The following SMAP2 variants were observed in gnomAD, a reference collection of about 807,000 sequenced individuals.
The protein encoded by SMAP2 is small ArfGAP2.
SMAP2 carries 25 observed loss-of-function variants against 56.4 expected under a neutral mutation model. That is an observed-to-expected ratio of 0.44 (90% confidence interval 0.32 to 0.62). The LOEUF is 0.62. Ranked by LOEUF, SMAP2 falls within the 20% of genes least tolerant of loss-of-function variation. The probability of loss-of-function intolerance (pLI) is 0.04; values close to 1 mark genes in which losing one functional copy is unlikely to be tolerated. For synonymous variants in SMAP2, 157 were observed against 181.7 expected (o/e 0.86, Z 1.09); for missense variants, 388 against 545.6 (o/e 0.71, Z 2.88).
At chr1:40,375,150 G>A in intron 1 of SMAP2, 1 of 914,748 alleles carries the variant, frequency 1.1e-6, no homozygotes, top group Non-Finnish European at 1.3e-6. Flanking sequence ...GTTGGCACTT[G>A]ACATTTATAC....
At chr1:40,391,240 A>G (rs1344597379) in intron 1 of SMAP2, among the ~76,000 whole-genome samples, 1 of 152,198 alleles carries the variant, frequency 6.6e-6, no homozygotes, top group East Asian at 1.9e-4. Flanking sequence ...TTTTAATATC[A>G]GTTTTCATGT....
intron 1 of SMAP2, chr1:40,396,873 A>G (rs544480802): frequency 4.1e-5 from 40 of 984,020 alleles, no homozygotes; most frequent in Non-Finnish European, 4.8e-5. Flanking sequence ...ATGGAGGGAT[A>G]TAATGAGTGG....
At chr1:40,358,716 T>C (rs72948127) in intron 1 of SMAP2, among the ~76,000 whole-genome samples, 9,762 of 152,266 alleles carry the variant, frequency 0.064, 1,063 homozygotes, top group African/African-American at 0.22. Context: ...TTGTATGAAA[T>C]GTTTTGTATC....
At chr1:40,361,796 GC>G (rs920282246) in intron 1 of SMAP2, among the ~76,000 whole-genome samples, 3 of 152,182 alleles carry the variant, frequency 2.0e-5, no homozygotes, top group African/African-American at 7.2e-5. Flanking sequence ...TGGCTTGGGT[GC>G]CAGCTCAGCT....
At chr1:40,372,829 CT>C (rs1267333173), upstream of SMAP2, among the ~76,000 whole-genome samples, 1 of 152,202 alleles carries the variant, frequency 6.6e-6, no homozygotes, top group Non-Finnish European at 1.5e-5. Flanking sequence ...TCCCTCTCCC[CT>C]AGTACAGTGC....
At chr1:40,391,647 G>C (rs1005181743) in intron 1 of SMAP2, among the ~76,000 whole-genome samples, 1 of 152,100 alleles carries the variant, frequency 6.6e-6, no homozygotes, top group South Asian at 2.1e-4. Context: ...AAAGTGGTGG[G>C]GTGAGGAATC....
Position 40,374,746 on chromosome 1 carries a change from C to T in SMAP2, c.103+523C>T, listed in dbSNP as rs1281969244. On this transcript the variant is annotated intron_variant, in intron 1 of 9. Transcript: ENST00000372718. This position sits in a 1 kb window ranked among gnomAD's most constrained non-coding sequence, Gnocchi z 5.9. ...GCTTCCTGCTATTTGGTTAGCAACT[C>T]CTGTCATTTTGCAGCCTTGCTAAGA... 1.3e-6 allele frequency: 2 copies of T among 1,550,396 alleles called. No individual in the cohort carries two copies. Among genetic ancestry groups the T allele is most frequent in the East Asian group, 2.4e-5 (1 of 40,926 alleles).
intron 1 of SMAP2, among the ~76,000 whole-genome samples, chr1:40,349,985 A>T (rs921001051): frequency 3.3e-5 from 5 of 152,166 alleles, no homozygotes; most frequent in Non-Finnish European, 5.9e-5. Flanking sequence ...CTTTCCACAG[A>T]GTCAAGGTTG....
At chr1:40,396,001 C>G (rs1644767886) in intron 1 of SMAP2, among the ~76,000 whole-genome samples, 1 of 152,168 alleles carries the variant, frequency 6.6e-6, no homozygotes, top group South Asian at 2.1e-4. Context: ...TGCTTCATCT[C>G]CATTGGTAAT....
At chr1:40,361,677 C>T (rs1427670635) in intron 1 of SMAP2, among the ~76,000 whole-genome samples, 1 of 152,118 alleles carries the variant, frequency 6.6e-6, no homozygotes, top group Admixed American at 6.5e-5. Flanking sequence ...GAATGAACAT[C>T]AGCAGAAGCC....
At chr1:40,371,875 T>G (rs1644497968), upstream of SMAP2, among the ~76,000 whole-genome samples, 1 of 152,220 alleles carries the variant, frequency 6.6e-6, no homozygotes, top group South Asian at 2.1e-4. Flanking sequence ...AATGTTATCA[T>G]CATTCCCATT....
intron 2 of SMAP2, among the ~76,000 whole-genome samples, chr1:40,363,535 A>T (rs1644467863): frequency 6.6e-6 from 1 of 152,216 alleles, no homozygotes; most frequent in Non-Finnish European, 1.5e-5. Flanking sequence ...AGGAAGGCAG[A>T]GCAAGATGGC....
At chr1:40,351,799 G>A (rs569560789) in intron 1 of SMAP2, among the ~76,000 whole-genome samples, 1 of 152,200 alleles carries the variant, frequency 6.6e-6, no homozygotes, top group African/African-American at 2.4e-5. Flanking sequence ...ACCGCGCTCA[G>A]CCTATTTTAA....
At chr1:40,346,761 T>C (rs1428879415) in intron 1 of SMAP2, among the ~76,000 whole-genome samples, 1 of 152,138 alleles carries the variant, frequency 6.6e-6, no homozygotes, top group Non-Finnish European at 1.5e-5. Context: ...TCCAAGTAAA[T>C]GAAAATGCAT....
intron 1 of SMAP2, chr1:40,362,229 A>C (rs1436100975): frequency 6.6e-6 from 1 of 152,248 alleles, no homozygotes; most frequent in Non-Finnish European, 1.5e-5. Flanking sequence ...GAAAATAAAT[A>C]ACTCGACTTC....
At chr1:40,351,903 G>T (rs925418029) in intron 1 of SMAP2, among the ~76,000 whole-genome samples, 1 of 152,022 alleles carries the variant, frequency 6.6e-6, no homozygotes, top group Non-Finnish European at 1.5e-5. Context: ...CTCCCAAAGT[G>T]CTGGAATTAC....
chr1:40,374,545 C>A lies in SMAP2; in HGVS notation c.103+322C>A. The A allele has an allele frequency of 2.0e-6, 2 of 1,014,304 alleles. No individual in the cohort carries two copies. The highest frequency in any genetic ancestry group is 3.0e-6 in the Non-Finnish European group (2 of 668,964). 62.8% of individuals were successfully genotyped at this position (1,014,304 alleles called of 1,614,324 possible). A position where few individuals can be genotyped will look rare whatever the true frequency, so the allele number is the denominator to read the frequency against. On this transcript the variant is annotated intron_variant, in intron 1 of 9. Transcript: ENST00000372718. The surrounding 1 kb of genome is among the most constrained non-coding windows in gnomAD (Gnocchi z 5.9). Reference sequence around the variant, plus strand: ...CCGGCTGTCCAGAGAGAGCTCCCAGCATGTCACTTGCAAAGCTGGGGATGA... The same window carrying A: ...CCGGCTGTCCAGAGAGAGCTCCCAGAATGTCACTTGCAAAGCTGGGGATGA...
Position 40,394,395 on chromosome 1 carries a change from A to G in SMAP2, c.104-12341A>G, listed in dbSNP as rs904426436. ...TTTTTGAAGAAGTCTATTGTCCTCA[A>G]AGGAAGAGGTGGACCTGTTCAGATT... On this transcript the variant is annotated intron_variant, in intron 1 of 9. Coordinates refer to ENST00000372718, the MANE Select transcript of SMAP2 (RefSeq NM_022733.3). Among the ~76,000 whole-genome samples, 11 of 152,236 alleles carry G rather than the reference A, an allele frequency of 7.2e-5. No homozygotes were observed. In the East Asian group the frequency reaches 1.7e-3, roughly 24 times the overall value.
chr1:40,419,038 T>C (rs1176452420), intron 9 of SMAP2, among the ~76,000 whole-genome samples: 1 of 152,112 alleles, frequency 6.6e-6, no homozygotes, highest in Non-Finnish European at 1.5e-5. Flanking sequence ...TTGCAGAATA[T>C]ACATTATATT....
Sources: gnomAD v4.1 joint callset for allele counts (sites outside exome capture counted in the v4.1 genomes callset) on GRCh38, gnomAD v4.1.1 for gene constraint, Gnocchi (gnomAD v3.1) non-coding constraint, MANE v1.5 for transcripts, NCBI Gene and HGNC (gene_info 2026-07-23, HGNC 2026-07-21) for gene names.